The following MYL6 variants were observed in gnomAD, a reference collection of about 807,000 sequenced individuals.
The protein encoded by MYL6 is myosin light chain 6.
MYL6 carries 20 observed loss-of-function variants against 20.3 expected under a neutral mutation model. The ratio of observed to expected loss-of-function variants is 0.98; its 90% CI spans 0.69 to 1.43. The LOEUF is 1.43. Ranked by LOEUF, MYL6 falls within the 40% of genes most tolerant of loss-of-function variation. MYL6 has a pLI of 0.00. For missense variants in MYL6, 164 were observed against 191.0 expected (o/e 0.86, Z 0.83); for synonymous variants, 77 against 72.4 (o/e 1.06, Z -0.32).
At position 56,159,659 on chromosome 12, in the gene MYL6, T is replaced by C; in HGVS notation, c.104T>C (p.Val35Ala). The C allele has an allele frequency of 6.2e-7, 1 of 1,614,028 alleles. No homozygotes were observed. The highest frequency in any genetic ancestry group is 8.5e-7 in the Non-Finnish European group (1 of 1,179,986). ...ATCCTGTACAGCCAGTGTGGGGATG[T>C]GATGAGGGCCCTGGGCCAGAACCCT... The part of the protein sequence containing the change: ...GKILYSQCGD[V>A]MRALGQNPTN... The change falls in exon 3 of 7, where the codon GTG becomes GCG. Residue 35 changes from valine (V) to alanine (A), a missense_variant. Val to Ala is a moderately conservative substitution (Grantham distance 64, BLOSUM62 0). Coordinates refer to ENST00000550697, the MANE Select transcript of MYL6 (RefSeq NM_021019.5).
At chr12:56,159,555 A>G in intron 2 of MYL6, 32 bp from the exon 3 acceptor site, 1 of 1,608,284 alleles carries the variant, frequency 6.2e-7, no homozygotes, top group South Asian at 1.1e-5. Flanking sequence ...TTAACCCTCA[A>G]ATCCTGTGTT....
At chr12:56,159,864 T>A (rs1592260828) in intron 3 of MYL6, 111 bp from the exon 4 acceptor site, 2 of 1,524,610 alleles carry the variant, frequency 1.3e-6, no homozygotes, top group Non-Finnish European at 1.8e-6. Flanking sequence ...TTCCTTGCTT[T>A]TAGTGGGGAG....
At chr12:56,161,271 G>C in intron 6 of MYL6, 116 bp from the exon 7 acceptor site, 1 of 1,239,628 alleles carries the variant, frequency 8.1e-7, no homozygotes, top group Non-Finnish European at 1.2e-6. Flanking sequence ...CCCCAGGGTT[G>C]GTTGCTGTGG....
intron 5 of MYL6, 91 bp from the exon 6 acceptor site, chr12:56,160,535 G>C: frequency 6.8e-7 from 1 of 1,475,236 alleles, no homozygotes; most frequent in Admixed American, 1.7e-5. Flanking sequence ...GGAATGAGAA[G>C]TGAAATAATG....
chr12:56,159,359 G>A, intron 2 of MYL6: 1 of 528,700 alleles, frequency 1.9e-6, no homozygotes, highest in Non-Finnish European at 3.2e-6. Context: ...AGGCAGAGGG[G>A]TTGTGTAAAT....
intron 2 of MYL6, 154 bp downstream of exon 2, chr12:56,158,865 T>C: frequency 2.7e-6 from 4 of 1,473,466 alleles, no homozygotes; most frequent in Non-Finnish European, 3.6e-6. Flanking sequence ...CTCCATTTTC[T>C]TTTCTCACTT....
chr12:56,160,448 G>A lies in MYL6; in HGVS notation c.427+128G>A, dbSNP rs145230056. 1.0e-3 allele frequency: 1,496 copies of A among 1,449,084 alleles called. 20 individuals carry two copies. The East Asian group carries it at 0.032, about 31-fold the overall frequency. The allele number at this position is 1,449,084 out of a possible 1,614,324, so 89.8% of individuals were successfully genotyped here. On this transcript the variant is annotated intron_variant, in intron 5 of 6. Coordinates refer to ENST00000550697, the MANE Select transcript of MYL6 (RefSeq NM_021019.5). ...GCCAGGAGGCAAGGTGCAGGGCCCT[G>A]CCCAGCCCAGCCCAGGAGTGGGAGG...
intron 2 of MYL6, 80 bp downstream of exon 2, chr12:56,158,791 A>G (rs1871502817): frequency 6.3e-7 from 1 of 1,595,256 alleles, no homozygotes; most frequent in African/African-American, 1.3e-5. Context: ...TCTAATCTTA[A>G]TCTGTCATCT....
chr12:56,158,451 AG>A, intron 1 of MYL6, 47 bp downstream of exon 1: 20 of 1,553,228 alleles, frequency 1.3e-5, no homozygotes, highest in Non-Finnish European at 1.6e-5. Flanking sequence ...GACGAGAGGC[AG>A]GAAGAGACGG....
chr12:56,160,051 C>T lies in MYL6; in HGVS notation c.252C>T (p.Gly84=). 6.2e-7 allele frequency: 1 copy of T among 1,614,172 alleles called. No individual in the cohort carries two copies. Among genetic ancestry groups the T allele is most frequent in the Non-Finnish European group, 8.5e-7 (1 of 1,180,038 alleles). The change falls in exon 4 of 7, where the codon GGC becomes GGT. Residue 84 remains glycine, a synonymous_variant. Transcript: ENST00000550697. ...CAGTGGCCAAGAACAAGGACCAGGGCACCTATGAGGATTATGTCGAAGGAC... is the reference window on the plus strand; with the variant it reads ...CAGTGGCCAAGAACAAGGACCAGGGTACCTATGAGGATTATGTCGAAGGAC... The part of the protein sequence containing the change: ...LQTVAKNKDQ[G]TYEDYVEGLR...
chr12:56,159,507 A>C, intron 2 of MYL6, 80 bp from the exon 3 acceptor site: 1 of 1,550,990 alleles, frequency 6.4e-7, no homozygotes, highest in Non-Finnish European at 8.8e-7. Context: ...GCATGATCAA[A>C]GTTGAATGGG....
chr12:56,158,810 C>T, intron 2 of MYL6, 99 bp downstream of exon 2: 1 of 1,569,730 alleles, frequency 6.4e-7, no homozygotes, highest in Non-Finnish European at 8.6e-7. Context: ...CTCTTTAGCA[C>T]CCCCATGAGA....
Position 56,159,639 on chromosome 12 carries a change from G to C in MYL6, c.84G>C (p.Leu28=). The change falls in exon 3 of 7, where the codon CTG becomes CTC. Residue 28 remains leucine (L), a synonymous_variant. Transcript: ENST00000550697. The part of the protein sequence containing the change: ...LFDRTGDGKI[L]YSQCGDVMRA... Reference sequence around the variant, plus strand: ...ACCGAACAGGTGATGGCAAGATCCTGTACAGCCAGTGTGGGGATGTGATGA... The same window carrying C: ...ACCGAACAGGTGATGGCAAGATCCTCTACAGCCAGTGTGGGGATGTGATGA... 3 of 1,614,146 alleles carry C rather than the reference G, an allele frequency of 1.9e-6. No individual in the cohort carries two copies. Among genetic ancestry groups the C allele is most frequent in the East Asian group, 2.2e-5 (1 of 44,888 alleles).
At position 56,160,652 on chromosome 12, in the gene MYL6, T is replaced by G; in HGVS notation, c.454T>G (p.Ter152GlyextTer15). ...GTTTGTGAGGCATATCCTGTCGGGGTGACGGGCCCATGGGGCGGGTACGGC... is the reference window on the plus strand; with the variant it reads ...GTTTGTGAGGCATATCCTGTCGGGGGGACGGGCCCATGGGGCGGGTACGGC... ...EAFVRHILSG[*>G] The change falls in exon 6 of 7, where the codon TGA becomes GGA. Residue 152 changes from the stop codon to glycine (G), a stop_lost. Coordinates refer to ENST00000550697, the MANE Select transcript of MYL6 (RefSeq NM_021019.5). The G allele has an allele frequency of 6.2e-7, 1 of 1,614,152 alleles. No individual in the cohort carries two copies. The highest frequency in any genetic ancestry group is 8.5e-7 in the Non-Finnish European group (1 of 1,180,006).
Position 56,161,578 on chromosome 12 carries a change from T to G in MYL6, c.*208T>G. 2.4e-6 allele frequency: 2 copies of G among 823,110 alleles called. No individual in the cohort carries two copies. Among genetic ancestry groups the G allele is most frequent in the Middle Eastern group, 2.8e-4 (1 of 3,542 alleles). The allele number at this position is 823,110 out of a possible 1,614,324, so 51.0% of individuals were successfully genotyped here. A position where few individuals can be genotyped will look rare whatever the true frequency, so the allele number is the denominator to read the frequency against. On this transcript the variant is annotated 3_prime_UTR_variant, in exon 7 of 7. Coordinates refer to ENST00000550697, the MANE Select transcript of MYL6 (RefSeq NM_021019.5). ...CCAAATAAACTTGCTCTCTGGGCCC[T>G]CGGTTCGGTTCTTTCTTTCCTGAAC...
chr12:56,158,780 C>G (rs959622506), intron 2 of MYL6, 69 bp downstream of exon 2: 1 of 1,602,922 alleles, frequency 6.2e-7, no homozygotes, highest in Non-Finnish European at 8.5e-7. Flanking sequence ...AGCACCTATC[C>G]TCTAATCTTA....
chr12:56,160,262 A>G lies in MYL6; in HGVS notation c.369A>G (p.Glu123=). 1 of 1,614,204 alleles carries G rather than the reference A, an allele frequency of 6.2e-7. No individual in the cohort carries two copies. The highest frequency in any genetic ancestry group is 2.2e-5 in the East Asian group (1 of 44,888). The change falls in exon 5 of 7, where the codon GAA becomes GAG. Residue 123 remains glutamate, a synonymous_variant. Coordinates refer to ENST00000550697, the MANE Select transcript of MYL6 (RefSeq NM_021019.5). ...CTGCAGGTGAGAAGATGACAGAGGA[A>G]GAAGTAGAGATGCTGGTGGCAGGGC... ...LVTLGEKMTE[E]EVEMLVAGHE...
At position 56,160,280 on chromosome 12, in the gene MYL6, G is replaced by A; in HGVS notation, c.387G>A (p.Val129=). The A allele has an allele frequency of 6.2e-7, 1 of 1,614,234 alleles. No individual in the cohort carries two copies. The highest frequency in any genetic ancestry group is 8.5e-7 in the Non-Finnish European group (1 of 1,180,040). ...CAGAGGAAGAAGTAGAGATGCTGGT[G>A]GCAGGGCATGAGGACAGCAATGGTT... ...KMTEEEVEML[V]AGHEDSNGCI... is the part of the protein sequence containing the mutation. Residue 129 remains valine, a synonymous_variant, in exon 5 of 7, where the codon GTG becomes GTA. Transcript: ENST00000550697.
chr12:56,161,489 G>GCTTTCTTGTCTCAGCAA lies in MYL6; in HGVS notation c.*125_*141dup. The GCTTTCTTGTCTCAGCAA allele has an allele frequency of 6.4e-7, 1 of 1,558,392 alleles. No homozygotes were observed. Among genetic ancestry groups the GCTTTCTTGTCTCAGCAA allele is most frequent in the Non-Finnish European group, 8.8e-7 (1 of 1,130,302 alleles). On this transcript the variant is annotated 3_prime_UTR_variant, in exon 7 of 7. Coordinates refer to ENST00000550697, the MANE Select transcript of MYL6 (RefSeq NM_021019.5). ...TGTATCTAGCCTAAAGTTTCCCTAG[G>GCTTTCTTGTCTCAGCAA]CTTTCTTGTCTCAGCAACTTTCCCA...
Sources: gnomAD v4.1 joint callset for allele counts on GRCh38, gnomAD v4.1.1 for gene constraint, MANE v1.5 for transcripts, NCBI Gene and HGNC (gene_info 2026-07-23, HGNC 2026-07-21) for gene names.